The following GABBR2 variants were observed in gnomAD, a reference collection of about 807,000 sequenced individuals.
GABBR2 encodes G-protein coupled receptor 51.
Under a neutral mutation model 105.6 loss-of-function variants are expected in GABBR2, and 23 were observed. The observed-to-expected ratio is 0.22, with a 90% CI of 0.16 to 0.31. The LOEUF is 0.31. Ranked by LOEUF, GABBR2 falls within the 10% of genes least tolerant of loss-of-function variation. The probability of loss-of-function intolerance (pLI) is 1.00; values close to 1 mark genes in which losing one functional copy is unlikely to be tolerated. For missense variants in GABBR2, 734 were observed against 1,245.5 expected, an observed-to-expected ratio of 0.59 and a Z score of 6.18; for synonymous variants, 478 against 499.7, an observed-to-expected ratio of 0.96 and a Z score of 0.58.
chr9:98,584,063 A>G (rs1417177217), intron 1 of GABBR2, among the ~76,000 whole-genome samples: 4 of 152,216 alleles, frequency 2.6e-5, no homozygotes, highest in Non-Finnish European at 5.9e-5. Context: ...AATTGCTCTC[A>G]GAGCCACTCT....
intron 7 of GABBR2, among the ~76,000 whole-genome samples, chr9:98,431,028 C>T (rs1314724731): frequency 6.6e-6 from 1 of 151,802 alleles, no homozygotes; most frequent in Non-Finnish European, 1.5e-5. Context: ...AGTGGAAGCC[C>T]CCAACTCCAG....
chr9:98,343,246 C>T (rs1292299385), intron 13 of GABBR2, among the ~76,000 whole-genome samples: 2 of 151,840 alleles, frequency 1.3e-5, no homozygotes, highest in African/African-American at 2.4e-5. Flanking sequence ...GAATTCCTGA[C>T]ATAGGTTGCT....
intron 1 of GABBR2, among the ~76,000 whole-genome samples, chr9:98,706,076 C>CA (rs913386725): frequency 8.4e-6 from 1 of 119,136 alleles, no homozygotes; most frequent in Non-Finnish European, 1.7e-5. Context: ...AACTCTATCT[C>CA]AAAAAAACAA....
At chr9:98,460,187 C>G (rs957942061) in intron 6 of GABBR2, among the ~76,000 whole-genome samples, 8 of 152,228 alleles carry the variant, frequency 5.3e-5, no homozygotes, top group African/African-American at 1.9e-4. Context: ...GGGCAGATCA[C>G]CTGAGGTCAG....
intron 9 of GABBR2, among the ~76,000 whole-genome samples, chr9:98,393,029 C>CCCAA (rs796720120): frequency 0.027 from 3,313 of 123,152 alleles, 118 homozygotes; most frequent in East Asian, 0.18. Flanking sequence ...CATGCATCCA[C>CCCAA]CCATCCATCC....
At chr9:98,561,423 G>A (rs974726846) in intron 2 of GABBR2, among the ~76,000 whole-genome samples, 42 of 152,252 alleles carry the variant, frequency 2.8e-4, no homozygotes, top group African/African-American at 9.9e-4. Context: ...TGGAATGGAG[G>A]AATGGAGGAA....
chr9:98,362,590 G>C (rs1831605159), intron 13 of GABBR2, 125 bp downstream of exon 13: 2 of 670,584 alleles, frequency 3.0e-6, no homozygotes, highest in East Asian at 3.2e-5. Flanking sequence ...CAAATGGAAG[G>C]AAATGGAACT....
Position 98,385,622 on chromosome 9 carries a change from T to G in GABBR2, c.1662+18A>C. ...AAACTTTCTATCATATACCACTGGC[T>G]TATGCAGAATGACTTACGGTGCAAA... On this transcript the variant is annotated intron_variant, in intron 11 of 18. Transcript: ENST00000259455. 6.2e-7 allele frequency: 1 copy of G among 1,610,254 alleles called. No individual in the cohort carries two copies. The highest frequency in any genetic ancestry group is 8.5e-7 in the Non-Finnish European group (1 of 1,176,550).
At chr9:98,540,391 C>A (rs575981670) in intron 3 of GABBR2, among the ~76,000 whole-genome samples, 1 of 152,322 alleles carries the variant, frequency 6.6e-6, no homozygotes, top group East Asian at 1.9e-4. Flanking sequence ...GTTATTGTCC[C>A]CATTTTACAG....
chr9:98,299,129 C>G, intron 17 of GABBR2, 95 bp downstream of exon 17: 1 of 1,069,822 alleles, frequency 9.3e-7, no homozygotes, highest in Admixed American at 1.7e-5. Context: ...TGTGCCCTGT[C>G]TGAGCCTCAG....
intron 2 of GABBR2, among the ~76,000 whole-genome samples, chr9:98,546,472 C>T (rs1828404077): frequency 6.6e-6 from 1 of 152,174 alleles, no homozygotes; most frequent in South Asian, 2.1e-4. Flanking sequence ...GTGCAAATAA[C>T]AGGCACTTAA....
chr9:98,697,121 A>G (rs890382736), intron 1 of GABBR2, among the ~76,000 whole-genome samples: 4 of 152,232 alleles, frequency 2.6e-5, no homozygotes, highest in African/African-American at 9.6e-5. Flanking sequence ...TTCAAATCCC[A>G]GCTCGACACT....
intron 8 of GABBR2, among the ~76,000 whole-genome samples, chr9:98,400,015 GAAA>G (rs57472915): frequency 4.9e-5 from 5 of 102,984 alleles, no homozygotes; most frequent in Admixed American, 2.0e-4. Flanking sequence ...CCACCTCCAT[GAAA>G]AAAAAAAAAA....
At chr9:98,641,258 C>G (rs1289683205) in intron 1 of GABBR2, among the ~76,000 whole-genome samples, 1 of 151,720 alleles carries the variant, frequency 6.6e-6, no homozygotes, top group African/African-American at 2.4e-5. Context: ...CTCAGCATCC[C>G]TAGTAGCTGG....
intron 1 of GABBR2, among the ~76,000 whole-genome samples, chr9:98,606,222 C>T (rs1055764618): frequency 6.6e-6 from 1 of 152,096 alleles, no homozygotes; most frequent in Non-Finnish European, 1.5e-5. Flanking sequence ...TGAATAGTGC[C>T]GCAGTAAACA....
At position 98,708,057 on chromosome 9, in the gene GABBR2, C is replaced by T. The variant is rs199584598; in HGVS notation, c.321+360G>A. On this transcript the variant is annotated intron_variant, in intron 1 of 18. Transcript: ENST00000259455. ...TCCTCCCACTCGGTACCTCGCAGCC[C>T]CATGAGCGGGACCTGGACAGGGACA... 5.3e-5 allele frequency among the ~76,000 whole-genome samples: 8 copies of T among 152,368 alleles called. No homozygotes were observed. The East Asian group carries it at 5.8e-4, about 11-fold the overall frequency.
At chr9:98,453,090 G>C (rs917756257) in intron 7 of GABBR2, among the ~76,000 whole-genome samples, 1 of 152,066 alleles carries the variant, frequency 6.6e-6, no homozygotes, top group Non-Finnish European at 1.5e-5. Context: ...GCAATGACGC[G>C]ATCTCAGCTC....
chr9:98,435,271 T>C (rs1262557331), intron 7 of GABBR2, among the ~76,000 whole-genome samples: 1 of 152,220 alleles, frequency 6.6e-6, no homozygotes, highest in Non-Finnish European at 1.5e-5. Flanking sequence ...GTAGAATCTA[T>C]TGATGTATTT....
intron 8 of GABBR2, among the ~76,000 whole-genome samples, chr9:98,397,879 G>C (rs16915623): frequency 0.033 from 5,037 of 152,218 alleles, 143 homozygotes; most frequent in East Asian, 0.11. Flanking sequence ...TGTTGTCCCA[G>C]GCAGTATAAG....
Sources: gnomAD v4.1 joint callset for allele counts (sites outside exome capture counted in the v4.1 genomes callset) on GRCh38, gnomAD v4.1.1 for gene constraint, MANE v1.5 for transcripts, NCBI Gene and HGNC (gene_info 2026-07-23, HGNC 2026-07-21) for gene names.